The following GRIN2B variants were observed in gnomAD, a reference collection of about 807,000 sequenced individuals.
GRIN2B encodes glutamate ionotropic receptor NMDA type subunit 2B, also known as glutamate receptor ionotropic, NMDA 2B.
A neutral mutation model predicts 114.5 loss-of-function variants in GRIN2B; 5 were observed. The observed-to-expected ratio is 0.04, with a 90% CI of 0.02 to 0.09. The LOEUF is 0.09. GRIN2B is among the 10% of genes least tolerant of loss of function. The pLI, the probability that GRIN2B is intolerant of heterozygous loss-of-function variation, is 1.00. For synonymous variants in GRIN2B, 787 were observed against 745.1 expected (o/e 1.06, Z -0.92); for missense variants, 1,108 against 1,943.5 (o/e 0.57, Z 8.08).
intron 3 of GRIN2B, among the ~76,000 whole-genome samples, chr12:13,791,587 T>C (rs185819149): frequency 2.6e-5 from 4 of 152,304 alleles, no homozygotes; most frequent in Admixed American, 2.0e-4. Flanking sequence ...ATAATTTTCC[T>C]ACAATATTCT....
chr12:13,808,640 T>C (rs934893606), intron 3 of GRIN2B, among the ~76,000 whole-genome samples: 1 of 151,576 alleles, frequency 6.6e-6, no homozygotes, highest in African/African-American at 2.4e-5. Flanking sequence ...ATATACCTAA[T>C]GTAAATGATG....
intron 5 of GRIN2B, among the ~76,000 whole-genome samples, chr12:13,633,543 A>G (rs959088953): frequency 5.9e-5 from 9 of 152,204 alleles, no homozygotes; most frequent in Non-Finnish European, 1.2e-4. Context: ...CCCCTTCTAC[A>G]ACAAAGATTT....
In GRIN2B at chr12:13,554,079, G is replaced by T. The variant is rs1453554833; in HGVS notation, c.*8704C>A. 1 of 152,128 alleles carries T rather than the reference G, an allele frequency of 6.6e-6. No homozygotes were observed. Among genetic ancestry groups the T allele is most frequent in the Non-Finnish European group, 1.5e-5 (1 of 68,016 alleles). The allele number at this position is 152,128 out of a possible 1,614,324, so 9.4% of individuals were successfully genotyped here. ...TGCAGATACAAATGGGCAAAATAAA[G>T]TGACTCCTTCTCAATTATAATTTAT... On this transcript the variant is annotated 3_prime_UTR_variant, in exon 14 of 14. Transcript: ENST00000609686.
rs567842746 is a variant in GRIN2B, at chr12:13,573,440, G to A, written c.2011-1476C>T. Among the ~76,000 whole-genome samples, 11 of 149,376 alleles carry A rather than the reference G, an allele frequency of 7.4e-5. 2 individuals carry two copies. Among genetic ancestry groups the A allele is most frequent in the African/African-American group, 2.7e-4 (11 of 40,132 alleles). On this transcript the variant is annotated intron_variant, in intron 10 of 13. Coordinates refer to ENST00000609686, the MANE Select transcript of GRIN2B (RefSeq NM_000834.5). ...CACTCCAGCCTGGGCTACACAGAGA[G>A]ACTCCGTCTCAAAAATAAAGTGCTT...
intron 3 of GRIN2B, among the ~76,000 whole-genome samples, chr12:13,782,848 G>C (rs1216270695): frequency 6.6e-6 from 1 of 152,116 alleles, no homozygotes; most frequent in African/African-American, 2.4e-5. Context: ...GTGGGCCAGG[G>C]ACTCTGAAAG....
At chr12:13,913,802 A>G (rs751964624) in intron 2 of GRIN2B, among the ~76,000 whole-genome samples, 6 of 152,144 alleles carry the variant, frequency 3.9e-5, no homozygotes, top group Non-Finnish European at 4.4e-5. Flanking sequence ...CTCAGGGACC[A>G]CTTTCTTGCT....
Position 13,646,891 on chromosome 12 carries a change from G to C in GRIN2B, c.1125+28854C>G, listed in dbSNP as rs140832624. Among the ~76,000 whole-genome samples, 124 of 152,196 alleles carry C rather than the reference G, an allele frequency of 8.1e-4. 4 individuals carry two copies. In the East Asian group the frequency reaches 0.019, roughly 23 times the overall value. On this transcript the variant is annotated intron_variant, in intron 5 of 13. Transcript: ENST00000609686. The stretch of plus-strand genomic sequence containing the variant: ...CCTCTTGGCCTTGAGGAAGTAAACA[G>C]CCATTTGTCAACTACCTATGAAGAG...
intron 3 of GRIN2B, among the ~76,000 whole-genome samples, chr12:13,855,049 G>GGAA (rs57722937): frequency 1.1e-5 from 1 of 88,012 alleles, no homozygotes; most frequent in African/African-American, 4.8e-5. Flanking sequence ...CATCTCTACT[G>GGAA]AAAAAAAAAA....
At chr12:13,566,835 A>G (rs962816334) in intron 13 of GRIN2B, among the ~76,000 whole-genome samples, 190 bp downstream of exon 13, 1 of 152,234 alleles carries the variant, frequency 6.6e-6, no homozygotes, top group Non-Finnish European at 1.5e-5. Flanking sequence ...TGAAGGAAAT[A>G]TAGTATCACC....
At chr12:13,599,369 G>C (rs1409892591) in intron 10 of GRIN2B, among the ~76,000 whole-genome samples, 1 of 152,130 alleles carries the variant, frequency 6.6e-6, no homozygotes, top group Non-Finnish European at 1.5e-5. Flanking sequence ...GAGGCAACAA[G>C]GCTGAAACAC....
intron 2 of GRIN2B, among the ~76,000 whole-genome samples, chr12:13,904,464 G>A (rs1248558361): frequency 6.6e-6 from 1 of 151,952 alleles, no homozygotes; most frequent in African/African-American, 2.4e-5. Context: ...GTACACTTTT[G>A]TTGTCATTAT....
At position 13,563,910 on chromosome 12, in the gene GRIN2B, G is replaced by A. The variant is rs139759417; in HGVS notation, c.3328C>T (p.Arg1110Cys). ...REFDEIELAY[R>C]RRPPRSPDHK... ...TCAGGGGAGCGGGGCGGTCGGCGAC[G>A]GTAGGCCAGCTCGATCTCGTCAAAC... is the stretch of plus-strand genomic sequence containing the variant. The change falls in exon 14 of 14, where the codon CGT becomes TGT. Residue 1110 changes from arginine (R) to cysteine (C), a missense_variant. This residue lies in a region of GRIN2B where 18 missense variants were observed against 23.6 expected (regional missense o/e 0.76). Coordinates refer to ENST00000609686, the MANE Select transcript of GRIN2B (RefSeq NM_000834.5). The A allele has an allele frequency of 3.1e-6, 5 of 1,614,132 alleles. No homozygotes were observed. Among genetic ancestry groups the A allele is most frequent in the East Asian group, 4.5e-5 (2 of 44,878 alleles).
chr12:13,878,126 G>A (rs1249988018), intron 2 of GRIN2B, among the ~76,000 whole-genome samples: 1 of 150,752 alleles, frequency 6.6e-6, no homozygotes, highest in African/African-American at 2.4e-5. Context: ...GCCCTGGGAA[G>A]CAGACCTGTT....
intron 3 of GRIN2B, among the ~76,000 whole-genome samples, chr12:13,787,869 A>T (rs1864244880): frequency 6.6e-6 from 1 of 152,190 alleles, no homozygotes; most frequent in Non-Finnish European, 1.5e-5. Context: ...GTTATTTAGA[A>T]ATCCAAAAGC....
intron 2 of GRIN2B, among the ~76,000 whole-genome samples, chr12:13,875,911 G>A (rs1360580458): frequency 6.6e-6 from 1 of 152,142 alleles, no homozygotes; most frequent in Non-Finnish European, 1.5e-5. Flanking sequence ...AACACAGAAT[G>A]GGAATGGGAT....
chr12:13,923,117 AT>A (rs1866850942), intron 2 of GRIN2B, among the ~76,000 whole-genome samples: 1 of 151,996 alleles, frequency 6.6e-6, no homozygotes, highest in Non-Finnish European at 1.5e-5. Context: ...AGGCAATGTT[AT>A]TTTATATGAG....
intron 3 of GRIN2B, among the ~76,000 whole-genome samples, chr12:13,784,772 A>G (rs761043587): frequency 4.6e-5 from 7 of 152,296 alleles, no homozygotes; most frequent in South Asian, 2.1e-4. Context: ...AGCTGTCCCA[A>G]CTGAGGTTAT....
intron 3 of GRIN2B, among the ~76,000 whole-genome samples, chr12:13,806,514 T>C (rs1225843464): frequency 6.6e-6 from 1 of 152,190 alleles, no homozygotes; most frequent in Non-Finnish European, 1.5e-5. Flanking sequence ...TGGCTTTTTG[T>C]ATGTCTTCCT....
chr12:13,700,995 C>T (rs1950306779), intron 4 of GRIN2B, among the ~76,000 whole-genome samples: 1 of 152,092 alleles, frequency 6.6e-6, no homozygotes, highest in Admixed American at 6.5e-5. Flanking sequence ...TTCAGCAAGG[C>T]TGGGGAGGTC....
Sources: gnomAD v4.1 joint callset for allele counts (sites outside exome capture counted in the v4.1 genomes callset) on GRCh38, gnomAD v4.1.1 for gene constraint, gnomAD v4.1.1 regional missense constraint, MANE v1.5 for transcripts, NCBI Gene and HGNC (gene_info 2026-07-23, HGNC 2026-07-21) for gene names.